Variants in RNF182 observed in about 807,000 individuals in gnomAD.
RNF182 encodes E3 ubiquitin-protein ligase RNF182.
A neutral mutation model predicts 14.4 loss-of-function variants in RNF182; 15 were observed. The observed-to-expected ratio is 1.04, with a 90% CI of 0.70 to 1.60. The LOEUF is 1.60. RNF182 is among the 40% of genes most tolerant of loss of function. The pLI is 0.00. For missense variants in RNF182, 268 were observed against 294.8 expected (o/e 0.91, Z 0.67); for synonymous variants, 128 against 122.9 (o/e 1.04, Z -0.27).
chr6:13,968,399 C>G (rs1481044652), intron 1 of RNF182, among the ~76,000 whole-genome samples: 3 of 151,954 alleles, frequency 2.0e-5, no homozygotes, highest in African/African-American at 4.8e-5. Flanking sequence ...GACAGTAACC[C>G]TAAAAGAGAT....
At chr6:13,948,224 G>C (rs1013642565) in intron 1 of RNF182, among the ~76,000 whole-genome samples, 1 of 152,090 alleles carries the variant, frequency 6.6e-6, no homozygotes, top group Non-Finnish European at 1.5e-5. Context: ...AGCTGTGAAA[G>C]TCCTGCTTTA....
chr6:13,964,177 A>G (rs1759954465), intron 1 of RNF182, among the ~76,000 whole-genome samples: 1 of 152,192 alleles, frequency 6.6e-6, no homozygotes, highest in East Asian at 1.9e-4. Context: ...TTTAGGAAAG[A>G]TAGCCAAAGG....
rs148485037 is a variant in RNF182 at position 13,952,990 on chromosome 6, T to C, written c.-366-21220T>C. 2.6e-5 allele frequency among the ~76,000 whole-genome samples: 4 copies of C among 152,368 alleles called. No homozygotes were observed. The East Asian group carries it at 5.8e-4, about 22-fold the overall frequency. Reference sequence around the variant, plus strand: ...AATATTATTTTTAAAGCAAAACTTATTCTTTTTTCCTTTTGAGATGGAATG... The same window carrying C: ...AATATTATTTTTAAAGCAAAACTTACTCTTTTTTCCTTTTGAGATGGAATG... On this transcript the variant is annotated intron_variant, in intron 1 of 2. Coordinates refer to ENST00000488300, the MANE Select transcript of RNF182 (RefSeq NM_152737.4).
intron 1 of RNF182, among the ~76,000 whole-genome samples, chr6:13,950,498 C>CTTTTTT (rs34765708): frequency 8.2e-5 from 10 of 121,936 alleles, no homozygotes; most frequent in Non-Finnish European, 1.3e-4. Context: ...AAAACAGGTA[C>CTTTTTT]TTTTTTTTTT....
chr6:13,957,787 A>G lies in RNF182; in HGVS notation c.-366-16423A>G, dbSNP rs146181010. ...TGATAACTATTTTGCTAGTATGTAA[A>G]GAAACATTTGTGGAAAATTTAAAAG... On this transcript the variant is annotated intron_variant, in intron 1 of 2. Transcript: ENST00000488300. Among the ~76,000 whole-genome samples, 680 of 152,362 alleles carry G rather than the reference A, an allele frequency of 4.5e-3. 6 individuals carry two copies. The highest frequency in any genetic ancestry group is 0.014 in the Middle Eastern group (4 of 294).
At chr6:13,930,405 T>C (rs760895029) in intron 1 of RNF182, among the ~76,000 whole-genome samples, 3 of 152,200 alleles carry the variant, frequency 2.0e-5, no homozygotes, top group Non-Finnish European at 2.9e-5. Context: ...CATGTAAATC[T>C]ATCTTGGAAA....
chr6:13,971,769 C>T (rs1760189711), intron 1 of RNF182, among the ~76,000 whole-genome samples: 1 of 152,252 alleles, frequency 6.6e-6, no homozygotes, highest in South Asian at 2.1e-4. Context: ...AGATGAGGAA[C>T]TTGTTGAGAA....
chr6:13,931,495 C>T (rs1269083327), intron 1 of RNF182, among the ~76,000 whole-genome samples: 2 of 152,066 alleles, frequency 1.3e-5, no homozygotes, highest in African/African-American at 4.8e-5. Flanking sequence ...GGGTCATTCT[C>T]CTGCATGACA....
chr6:13,927,411 G>A (rs1471811109), intron 1 of RNF182, among the ~76,000 whole-genome samples: 2 of 152,210 alleles, frequency 1.3e-5, no homozygotes, highest in East Asian at 3.9e-4. Flanking sequence ...CACTCTTGCT[G>A]ATTCACGGGA....
At chr6:13,951,564 A>AT (rs1759594116) in intron 1 of RNF182, among the ~76,000 whole-genome samples, 1 of 152,198 alleles carries the variant, frequency 6.6e-6, no homozygotes, top group African/African-American at 2.4e-5. Flanking sequence ...CTACCTAGTT[A>AT]TTACACACCA....
intron 1 of RNF182, among the ~76,000 whole-genome samples, chr6:13,945,147 G>C (rs1209162045): frequency 6.6e-6 from 1 of 152,176 alleles, no homozygotes; most frequent in African/African-American, 2.4e-5. Context: ...GGAGCTGGAA[G>C]GTCTTTAGCC....
intron 1 of RNF182, among the ~76,000 whole-genome samples, chr6:13,926,172 TA>T (rs1758820914): frequency 6.6e-6 from 1 of 152,180 alleles, no homozygotes; most frequent in East Asian, 1.9e-4. Flanking sequence ...TCCAACTTAG[TA>T]AAATAATGTA....
At chr6:13,971,129 T>C (rs1477444672) in intron 1 of RNF182, among the ~76,000 whole-genome samples, 1 of 152,146 alleles carries the variant, frequency 6.6e-6, no homozygotes, top group East Asian at 1.9e-4. Context: ...CCTGATGATA[T>C]GATTTGGCTC....
rs1383306303 is a variant in RNF182 at position 13,979,324 on chromosome 6, C to T, written c.*1461C>T. Reference sequence around the variant, plus strand: ...ACATTCTAGTCTCTAAAACCCATTACTAATGATTAACATTAAAATATTTGT... The same window carrying T: ...ACATTCTAGTCTCTAAAACCCATTATTAATGATTAACATTAAAATATTTGT... On this transcript the variant is annotated 3_prime_UTR_variant, in exon 3 of 3. Coordinates refer to ENST00000488300, the MANE Select transcript of RNF182 (RefSeq NM_152737.4). 1.2e-5 allele frequency: 2 copies of T among 166,776 alleles called. No homozygotes were observed. The highest frequency in any genetic ancestry group is 4.8e-5 in the African/African-American group (2 of 41,434). 10.3% of individuals were successfully genotyped at this position (166,776 alleles called of 1,614,324 possible).
At chr6:13,925,169 G>A (rs1049011172) in intron 1 of RNF182, 146 bp downstream of exon 1, 3 of 134,758 alleles carry the variant, frequency 2.2e-5, no homozygotes, top group South Asian at 2.3e-4. Context: ...TTCGGGCCGA[G>A]CGGCGCCGGG....
intron 1 of RNF182, among the ~76,000 whole-genome samples, chr6:13,963,281 C>T (rs938200930): frequency 6.6e-6 from 1 of 152,130 alleles, no homozygotes; most frequent in Non-Finnish European, 1.5e-5. Flanking sequence ...ATAAAAGAGT[C>T]TTCTAGGTAG....
intron 1 of RNF182, among the ~76,000 whole-genome samples, chr6:13,930,505 TA>T (rs1442425137): frequency 6.6e-6 from 1 of 152,220 alleles, no homozygotes; most frequent in Non-Finnish European, 1.5e-5. Context: ...TGCTAAGGAC[TA>T]AGTGATACTC....
chr6:13,954,360 A>G (rs951737618), intron 1 of RNF182, among the ~76,000 whole-genome samples: 3 of 151,986 alleles, frequency 2.0e-5, no homozygotes, highest in Non-Finnish European at 4.4e-5. Context: ...CCCCTTCCCC[A>G]TTGGTTGGTT....
intron 1 of RNF182, among the ~76,000 whole-genome samples, chr6:13,931,457 T>C (rs904924892): frequency 1.3e-5 from 2 of 152,118 alleles, no homozygotes; most frequent in African/African-American, 4.8e-5. Flanking sequence ...AGGGATGAAG[T>C]TAGAAGTTTG....
Sources: allele counts gnomAD v4.1 joint callset (sites outside exome capture counted in the v4.1 genomes callset), GRCh38; gene constraint gnomAD v4.1.1; transcripts MANE v1.5; gene names NCBI Gene and HGNC (gene_info 2026-07-23, HGNC 2026-07-21).